TNFRSF21: variants seen among roughly 807,000 people sequenced by gnomAD.
TNFRSF21 encodes tumor necrosis factor receptor superfamily member 21.
TNFRSF21 carries 19 observed loss-of-function variants against 45.6 expected under a neutral mutation model. The observed-to-expected ratio is 0.42, with a 90% CI of 0.29 to 0.61. The LOEUF is 0.61. TNFRSF21 is among the 20% of genes least tolerant of loss of function. TNFRSF21 has a pLI of 0.23. For missense variants in TNFRSF21, 737 were observed against 851.5 expected, an observed-to-expected ratio of 0.87 and a Z score of 1.67; for synonymous variants, 314 against 335.5, an observed-to-expected ratio of 0.94 and a Z score of 0.70.
chr6:47,301,399 G>T (rs773627602), intron 1 of TNFRSF21, among the ~76,000 whole-genome samples: 2 of 152,162 alleles, frequency 1.3e-5, no homozygotes, highest in Admixed American at 6.5e-5. Context: ...CCTTGACCAG[G>T]TCTGCAAGGT....
intron 3 of TNFRSF21, among the ~76,000 whole-genome samples, chr6:47,255,734 A>AT (rs1321181918): frequency 6.6e-6 from 1 of 152,184 alleles, no homozygotes; most frequent in Non-Finnish European, 1.5e-5. Context: ...AAGTGCTGGG[A>AT]TTACAGGCGT....
At chr6:47,285,841 G>C in intron 2 of TNFRSF21, 103 bp downstream of exon 2, 1 of 1,324,100 alleles carries the variant, frequency 7.6e-7, no homozygotes, top group Non-Finnish European at 1.0e-6. Flanking sequence ...GGTGACTTTG[G>C]AATACACGAA....
At chr6:47,267,805 C>T (rs915722470) in intron 3 of TNFRSF21, among the ~76,000 whole-genome samples, 12 of 152,112 alleles carry the variant, frequency 7.9e-5, no homozygotes, top group South Asian at 2.1e-4. Context: ...GTATATCTGA[C>T]GCATGAGCCC....
intron 3 of TNFRSF21, among the ~76,000 whole-genome samples, chr6:47,257,239 C>T (rs1056681218): frequency 6.6e-6 from 1 of 151,582 alleles, no homozygotes; most frequent in Non-Finnish European, 1.5e-5. Context: ...GAAAAAAAAA[C>T]CCACAAAGAA....
At chr6:47,289,925 C>A (rs1423051228) in intron 1 of TNFRSF21, among the ~76,000 whole-genome samples, 1 of 151,922 alleles carries the variant, frequency 6.6e-6, no homozygotes, top group Non-Finnish European at 1.5e-5. Context: ...GCCTGGGAGG[C>A]GGAGGTTGCA....
chr6:47,287,369 T>A (rs373592648), intron 1 of TNFRSF21, among the ~76,000 whole-genome samples: 1 of 124,712 alleles, frequency 8.0e-6, no homozygotes, highest in African/African-American at 3.1e-5. Context: ...AAAATCCAAA[T>A]GCAACAGGAA....
chr6:47,234,516 A>G (rs953038217), intron 5 of TNFRSF21, among the ~76,000 whole-genome samples, 154 bp downstream of exon 5: 1 of 152,228 alleles, frequency 6.6e-6, no homozygotes, highest in African/African-American at 2.4e-5. Flanking sequence ...CTCTCGGGCC[A>G]GCGTATCTTG....
intron 5 of TNFRSF21, 96 bp from the exon 6 acceptor site, chr6:47,233,090 A>C: frequency 3.8e-6 from 4 of 1,065,702 alleles, no homozygotes; most frequent in Non-Finnish European, 5.5e-6. Flanking sequence ...AGAGACATCT[A>C]TGTCCCCCCC....
chr6:47,289,649 A>C (rs1221183267), intron 1 of TNFRSF21, among the ~76,000 whole-genome samples: 1 of 152,138 alleles, frequency 6.6e-6, no homozygotes. Context: ...TTCTGAGCAC[A>C]GCGGATGCAC....
At chr6:47,244,846 T>C (rs552503286) in intron 4 of TNFRSF21, among the ~76,000 whole-genome samples, 1 of 152,322 alleles carries the variant, frequency 6.6e-6, no homozygotes, top group African/African-American at 2.4e-5. Flanking sequence ...ATGCAATTCC[T>C]CATCAGCAAG....
intron 1 of TNFRSF21, among the ~76,000 whole-genome samples, chr6:47,287,521 A>G (rs1030966064): frequency 2.6e-5 from 4 of 151,966 alleles, no homozygotes; most frequent in Admixed American, 6.5e-5. Flanking sequence ...AGAATTATTT[A>G]TCACAGATTT....
intron 1 of TNFRSF21, among the ~76,000 whole-genome samples, chr6:47,294,903 T>C (rs866283802): frequency 3.3e-5 from 5 of 152,202 alleles, no homozygotes; most frequent in Admixed American, 2.0e-4. Context: ...AATAAGATTA[T>C]CCTCCAGAAC....
intron 1 of TNFRSF21, among the ~76,000 whole-genome samples, chr6:47,286,883 A>G (rs895706662): frequency 6.6e-6 from 1 of 152,178 alleles, no homozygotes; most frequent in Non-Finnish European, 1.5e-5. Flanking sequence ...CTGACAATGC[A>G]TCTCAAATTG....
chr6:47,237,062 C>T (rs1258533683), intron 4 of TNFRSF21, among the ~76,000 whole-genome samples: 2 of 152,076 alleles, frequency 1.3e-5, no homozygotes, highest in East Asian at 3.8e-4. Flanking sequence ...GAATGCTGAA[C>T]TGATGCTCTC....
chr6:47,279,488 A>G (rs1762538580), intron 3 of TNFRSF21, among the ~76,000 whole-genome samples: 1 of 152,190 alleles, frequency 6.6e-6, no homozygotes. Context: ...GGCCAATTGT[A>G]TAGGGATTAA....
chr6:47,275,518 C>T (rs533382795), intron 3 of TNFRSF21, among the ~76,000 whole-genome samples: 7 of 152,040 alleles, frequency 4.6e-5, no homozygotes, highest in South Asian at 2.1e-4. Context: ...GTGGCGGACT[C>T]GGGGAAGGAT....
chr6:47,305,188 T>C (rs1271263486), intron 1 of TNFRSF21, among the ~76,000 whole-genome samples: 2 of 152,212 alleles, frequency 1.3e-5, no homozygotes, highest in Non-Finnish European at 2.9e-5. Context: ...GTGATGGCCA[T>C]GCTCATTTTA....
chr6:47,246,428 C>G (rs905805836), intron 4 of TNFRSF21, among the ~76,000 whole-genome samples: 1 of 152,156 alleles, frequency 6.6e-6, no homozygotes, highest in East Asian at 1.9e-4. Context: ...ACTTACAAAG[C>G]TTGGAGACTG....
intron 3 of TNFRSF21, among the ~76,000 whole-genome samples, chr6:47,253,737 CAGA>C (rs1193387276): frequency 6.6e-6 from 1 of 152,154 alleles, no homozygotes; most frequent in Non-Finnish European, 1.5e-5. Flanking sequence ...AGTGTGGAAC[CAGA>C]AGAAGGAATG....
Sources: gnomAD v4.1 joint callset for allele counts (sites outside exome capture counted in the v4.1 genomes callset) on GRCh38, gnomAD v4.1.1 for gene constraint, MANE v1.5 for transcripts, NCBI Gene and HGNC (gene_info 2026-07-23, HGNC 2026-07-21) for gene names.